The following WDR19 variants were observed in gnomAD, a reference collection of about 807,000 sequenced individuals.
The protein encoded by WDR19 is WD repeat-containing protein 19.
In WDR19, 121 loss-of-function variants were observed where a neutral mutation model predicts 180.0. The observed-to-expected ratio is 0.67, with a 90% CI of 0.58 to 0.78. The LOEUF (loss-of-function observed/expected upper bound fraction) is 0.78. Ranked by LOEUF, WDR19 falls within the 30% of genes least tolerant of loss-of-function variation. WDR19 has a pLI of 0.00. For missense variants in WDR19, 1,450 were observed against 1,640.7 expected (o/e 0.88, Z 2.01); for synonymous variants, 497 against 540.7 (o/e 0.92, Z 1.12).
intron 26 of WDR19, 138 bp downstream of exon 26, chr4:39,254,168 C>A: frequency 1.4e-6 from 1 of 731,360 alleles, no homozygotes; most frequent in Non-Finnish European, 2.0e-6. Context: ...CATAGACACA[C>A]ATGTATCTAT....
intron 33 of WDR19, among the ~76,000 whole-genome samples, chr4:39,276,597 C>T (rs1289151591): frequency 6.6e-6 from 1 of 152,184 alleles, no homozygotes; most frequent in Non-Finnish European, 1.5e-5. Context: ...TTGGATAGCA[C>T]AGAATCCAAA....
At chr4:39,188,630 A>G (rs1725818045) in intron 3 of WDR19, among the ~76,000 whole-genome samples, 1 of 151,720 alleles carries the variant, frequency 6.6e-6, no homozygotes, top group Admixed American at 6.6e-5. Context: ...AAAAAAAAAA[A>G]AAAAAGAAAA....
At chr4:39,253,347 C>A (rs1733433070) in intron 25 of WDR19, 55 bp downstream of exon 25, 5 of 1,509,724 alleles carry the variant, frequency 3.3e-6, no homozygotes, top group Non-Finnish European at 4.5e-6. Context: ...TAAAAGTAAG[C>A]CTCTGCCTTC....
In WDR19 at chr4:39,231,955, AG is replaced by A. The variant is rs1560518213; in HGVS notation, c.2142+1del. On this transcript the variant is annotated frameshift_variant and splice_region_variant, in exon 18 of 37. Transcript: ENST00000399820. LOFTEE classifies it high-confidence loss of function. ...VGIVMSLEQI[K>X]GIEDYNLLAG... Reference sequence around the variant, plus strand: ...ATAGTGATGTCCTTGGAACAAATAAAGGTAAACAGCATGTTATAGAATTATC... The same window carrying A: ...ATAGTGATGTCCTTGGAACAAATAAAGTAAACAGCATGTTATAGAATTATC... 5 of 1,611,552 alleles carry A rather than the reference AG, an allele frequency of 3.1e-6. No homozygotes were observed. Among genetic ancestry groups the A allele is most frequent in the Non-Finnish European group, 4.2e-6 (5 of 1,177,842 alleles).
chr4:39,281,796 G>A (rs142572481), intron 36 of WDR19, among the ~76,000 whole-genome samples: 3 of 152,256 alleles, frequency 2.0e-5, no homozygotes, highest in Middle Eastern at 3.4e-3. Context: ...GATAATCATC[G>A]TGTTGACTGG....
intron 1 of WDR19, among the ~76,000 whole-genome samples, chr4:39,183,101 G>C (rs1725123912): frequency 6.6e-6 from 1 of 151,998 alleles, no homozygotes; most frequent in Non-Finnish European, 1.5e-5. Flanking sequence ...CATTATTGAC[G>C]GGAAATCTGC....
chr4:39,260,432 G>A (rs554286933), intron 28 of WDR19, among the ~76,000 whole-genome samples: 1 of 151,568 alleles, frequency 6.6e-6, no homozygotes, highest in East Asian at 1.9e-4. Context: ...CTGCCTCCTG[G>A]GTTCAAGTGA....
chr4:39,254,516 A>G (rs1444791516), intron 26 of WDR19, among the ~76,000 whole-genome samples: 1 of 152,230 alleles, frequency 6.6e-6, no homozygotes, highest in African/African-American at 2.4e-5. Context: ...ATGCCTGTTT[A>G]GAGGTTTTCT....
At position 39,268,175 on chromosome 4, in the gene WDR19, C is replaced by T. The variant is rs1734998908; in HGVS notation, c.3358+84C>T. 3 of 1,202,702 alleles carry T rather than the reference C, an allele frequency of 2.5e-6. No homozygotes were observed. The South Asian group carries it at 4.6e-5, about 18-fold the overall frequency. 74.5% of individuals were successfully genotyped at this position (1,202,702 alleles called of 1,614,324 possible). ...CCCTTTTCTGTGTAGGAAAGAGTAG[C>T]CCCTACGTTTGTAACATAGGCTTGC... On this transcript the variant is annotated intron_variant, in intron 30 of 36. Coordinates refer to ENST00000399820, the MANE Select transcript of WDR19 (RefSeq NM_025132.4).
At chr4:39,208,212 TAGAA>T (rs1337734626) in intron 9 of WDR19, among the ~76,000 whole-genome samples, 1 of 149,858 alleles carries the variant, frequency 6.7e-6, no homozygotes, top group Admixed American at 6.6e-5. Flanking sequence ...AGAGAACAAA[TAGAA>T]AGCAAATAAT....
chr4:39,252,082 A>C (rs1489657715), intron 24 of WDR19, among the ~76,000 whole-genome samples: 1 of 152,054 alleles, frequency 6.6e-6, no homozygotes, highest in Non-Finnish European at 1.5e-5. Flanking sequence ...GGCACTATTC[A>C]CAATAGCAAA....
Position 39,232,231 on chromosome 4 carries a change from G to T in WDR19, c.2212G>T (p.Asp738Tyr). 6.2e-7 allele frequency: 1 copy of T among 1,612,364 alleles called. No homozygotes were observed. ...MFTNDYNLAQ[D>Y]LYLASSCPIA... ...TACCAACGATTATAACCTGGCTCAG[G>T]ACTTGTACCTTGCATCCAGCTGTCC... is the stretch of plus-strand genomic sequence containing the variant. The change falls in exon 19 of 37, where the codon GAC (aspartate) becomes TAC (tyrosine). Residue 738 changes from aspartate to tyrosine, a missense_variant. Coordinates refer to ENST00000399820, the MANE Select transcript of WDR19 (RefSeq NM_025132.4).
At chr4:39,210,287 C>A (rs1239423531) in intron 9 of WDR19, among the ~76,000 whole-genome samples, 1 of 152,160 alleles carries the variant, frequency 6.6e-6, no homozygotes, top group Non-Finnish European at 1.5e-5. Flanking sequence ...CAAAATTTAA[C>A]AAACTGAATG....
chr4:39,215,943 A>G lies in WDR19; in HGVS notation c.1064A>G (p.Asp355Gly), dbSNP rs192495145. 2 of 1,613,668 alleles carry G rather than the reference A, an allele frequency of 1.2e-6. No homozygotes were observed. Among genetic ancestry groups the G allele is most frequent in the Non-Finnish European group, 1.7e-6 (2 of 1,179,730 alleles). ...CTGACCAAGCTTCCCATACTTGGGG[A>G]TGCCTGCAGCACAAGGATTGCCTAT... ...VFLTKLPILG[D>G]ACSTRIAYLT... Residue 355 changes from aspartate (D) to glycine (G), a missense_variant, in exon 11 of 37, where the codon GAT (aspartate) becomes GGT (glycine). Transcript: ENST00000399820.
Position 39,253,190 on chromosome 4 carries a change from A to C in WDR19, c.2774A>C (p.Gln925Pro), listed in dbSNP as rs1363895381. Reference protein sequence around the residue: ...VVAYENAKQWQSVIRIYLDHL... With the variant: ...VVAYENAKQWPSVIRIYLDHL... The stretch of plus-strand genomic sequence containing the variant: ...GCTTATGAAAATGCAAAACAGTGGC[A>C]AAGTGTAATCCGCATCTATCTGGAT... Residue 925 changes from glutamine to proline, a missense_variant, in exon 25 of 37, where the codon CAA becomes CCA. Transcript: ENST00000399820. 6.2e-7 allele frequency: 1 copy of C among 1,611,850 alleles called. No individual in the cohort carries two copies. Among genetic ancestry groups the C allele is most frequent in the East Asian group, 2.2e-5 (1 of 44,746 alleles).
At chr4:39,229,792 CA>C (rs2109361410) in intron 17 of WDR19, among the ~76,000 whole-genome samples, 1 of 152,306 alleles carries the variant, frequency 6.6e-6, no homozygotes, top group African/African-American at 2.4e-5. Flanking sequence ...AACTACCTTC[CA>C]GTCATGTGTC....
intron 1 of WDR19, among the ~76,000 whole-genome samples, chr4:39,184,072 C>G (rs570584945): frequency 6.6e-6 from 1 of 152,252 alleles, no homozygotes; most frequent in South Asian, 2.1e-4. Context: ...CATAGCCCAC[C>G]TCTACTTTCA....
chr4:39,250,508 G>A (rs1318212233), intron 24 of WDR19, among the ~76,000 whole-genome samples: 1 of 152,138 alleles, frequency 6.6e-6, no homozygotes, highest in Non-Finnish European at 1.5e-5. Context: ...TCTGGCCAGG[G>A]CAATTAGGCA....
intron 6 of WDR19, among the ~76,000 whole-genome samples, chr4:39,202,929 G>T (rs995701530): frequency 2.0e-5 from 3 of 152,038 alleles, no homozygotes; most frequent in South Asian, 2.1e-4. Context: ...CTTGGTAGAG[G>T]TTCTGGGTTA....
Sources: allele counts gnomAD v4.1 joint callset (sites outside exome capture counted in the v4.1 genomes callset), GRCh38; gene constraint gnomAD v4.1.1; transcripts MANE v1.5; gene names NCBI Gene and HGNC (gene_info 2026-07-23, HGNC 2026-07-21).